OR6N1: variants seen among roughly 807,000 people sequenced by gnomAD.
The protein encoded by OR6N1 is olfactory receptor family 6 subfamily N member 1.
For synonymous variants in OR6N1, 170 were observed against 150.7 expected (o/e 1.13, Z -0.94); for missense variants, 394 against 371.7 (o/e 1.06, Z -0.49).
chr1:158,794,404 C>T, the OR6N1 span, among the ~76,000 whole-genome samples: 1 of 152,116 alleles, frequency 6.6e-6, no homozygotes, highest in African/African-American at 2.4e-5. Context: ...GTGTGATGCA[C>T]TCCCCCTTCC....
At chr1:158,819,605 T>A in the OR6N1 span, among the ~76,000 whole-genome samples, 1 of 152,180 alleles carries the variant, frequency 6.6e-6, no homozygotes, top group Non-Finnish European at 1.5e-5. Flanking sequence ...AAAAGAGGAA[T>A]GTATACCACG....
chr1:158,816,383 G>C, the OR6N1 span, among the ~76,000 whole-genome samples: 1 of 151,996 alleles, frequency 6.6e-6, no homozygotes, highest in Admixed American at 6.5e-5. Context: ...GAAAGAGATG[G>C]TCAAAGAGAG....
the OR6N1 span, among the ~76,000 whole-genome samples, chr1:158,789,016 C>T: frequency 6.6e-6 from 1 of 152,142 alleles, no homozygotes; most frequent in Non-Finnish European, 1.5e-5. Context: ...TCACCCTCTA[C>T]CTTTCCTGGT....
the OR6N1 span, among the ~76,000 whole-genome samples, chr1:158,814,582 G>T: frequency 1.3e-5 from 2 of 152,188 alleles, no homozygotes; most frequent in African/African-American, 4.8e-5. Flanking sequence ...CTGCTTCTCA[G>T]TTCAAAGATG....
chr1:158,797,853 G>A, the OR6N1 span, among the ~76,000 whole-genome samples: 5 of 152,098 alleles, frequency 3.3e-5, no homozygotes. Context: ...TGTAAAAATA[G>A]GAACTATGTT....
rs778798865 is a variant in OR6N1, at chr1:158,766,357, G to A, written c.326C>T (p.Ala109Val). Residue 109 changes from alanine (A) to valine (V), a missense_variant, in exon 2 of 2, where the codon GCG (alanine) becomes GTG (valine). Transcript: ENST00000641846. Reference sequence around the variant, plus strand: ...AGCTGTCAGGAGATAGCACTCAGTCGCTCCAAGGGAGTGAAAGAAATAGAT... The same window carrying A: ...AGCTGTCAGGAGATAGCACTCAGTCACTCCAAGGGAGTGAAAGAAATAGAT... ...LQIYFFHSLG[A>V]TECYLLTAMA... 5.0e-6 allele frequency: 8 copies of A among 1,614,014 alleles called. No individual in the cohort carries two copies. The highest frequency in any genetic ancestry group is 2.2e-5 in the South Asian group (2 of 91,082).
At chr1:158,780,702 A>G in the OR6N1 span, among the ~76,000 whole-genome samples, 9 of 152,324 alleles carry the variant, frequency 5.9e-5, no homozygotes, top group African/African-American at 2.2e-4. Context: ...TTGCTTTCAT[A>G]CTGTTGTAAA....
chr1:158,765,733 T>C lies in OR6N1; in HGVS notation c.*11A>G. On this transcript the variant is annotated 3_prime_UTR_variant, in exon 2 of 2. Coordinates refer to ENST00000641846, the MANE Select transcript of OR6N1 (RefSeq NM_001005185.2). Reference sequence around the variant, plus strand: ...CCTCAGGCCCGGCCTTGGCCTACTCTCAGCCCCAACTCATGCCAATATCCC... The same window carrying C: ...CCTCAGGCCCGGCCTTGGCCTACTCCCAGCCCCAACTCATGCCAATATCCC... 1 of 1,603,804 alleles carries C rather than the reference T, an allele frequency of 6.2e-7. No individual in the cohort carries two copies. Among genetic ancestry groups the C allele is most frequent in the Non-Finnish European group, 8.5e-7 (1 of 1,172,000 alleles).
the OR6N1 span, among the ~76,000 whole-genome samples, chr1:158,802,701 C>T: frequency 6.6e-6 from 1 of 152,182 alleles, no homozygotes; most frequent in Admixed American, 6.5e-5. Flanking sequence ...TTTGCCATGT[C>T]AGCTATCTTT....
the OR6N1 span, among the ~76,000 whole-genome samples, chr1:158,827,282 C>T: frequency 6.6e-6 from 1 of 152,172 alleles, no homozygotes; most frequent in Non-Finnish European, 1.5e-5. Context: ...AGCTCATGTC[C>T]TTTGCCTAGC....
upstream of OR6N1, among the ~76,000 whole-genome samples, chr1:158,772,947 A>G (rs1409324477): frequency 6.6e-6 from 1 of 152,226 alleles, no homozygotes; most frequent in Non-Finnish European, 1.5e-5. Flanking sequence ...AAAACATCAC[A>G]TATATAATTA....
the OR6N1 span, among the ~76,000 whole-genome samples, chr1:158,790,361 T>C: frequency 2.6e-5 from 4 of 152,092 alleles, no homozygotes; most frequent in Admixed American, 6.6e-5. Flanking sequence ...TGTTTTTTTC[T>C]GTTTCTGTGA....
chr1:158,820,653 A>G, the OR6N1 span, among the ~76,000 whole-genome samples: 1 of 152,230 alleles, frequency 6.6e-6, no homozygotes, highest in African/African-American at 2.4e-5. Flanking sequence ...ACAAAGGGCT[A>G]AAATCCCAAA....
chr1:158,770,432 C>A (rs1657395787), intron 1 of OR6N1, among the ~76,000 whole-genome samples: 1 of 152,112 alleles, frequency 6.6e-6, no homozygotes, highest in Non-Finnish European at 1.5e-5. Context: ...TTTTCACACC[C>A]CCTTTAAGAT....
the OR6N1 span, among the ~76,000 whole-genome samples, chr1:158,806,122 T>C: frequency 6.6e-6 from 1 of 152,262 alleles, no homozygotes; most frequent in East Asian, 1.9e-4. Flanking sequence ...TAATAGTTCC[T>C]GCAAAAAGAG....
At chr1:158,773,461 T>C (rs979145512), upstream of OR6N1, among the ~76,000 whole-genome samples, 1 of 152,162 alleles carries the variant, frequency 6.6e-6, no homozygotes, top group Non-Finnish European at 1.5e-5. Flanking sequence ...GAATATCCTC[T>C]ATTCCTAAAA....
the OR6N1 span, among the ~76,000 whole-genome samples, chr1:158,805,095 G>A: frequency 6.6e-6 from 1 of 152,230 alleles, no homozygotes; most frequent in South Asian, 2.1e-4. Flanking sequence ...GATACATCAA[G>A]GTCACATGCC....
the OR6N1 span, among the ~76,000 whole-genome samples, chr1:158,798,503 A>C: frequency 2.0e-5 from 3 of 151,816 alleles, no homozygotes; most frequent in Non-Finnish European, 2.9e-5. Flanking sequence ...TTTTCTTTAA[A>C]TATCAAACAT....
upstream of OR6N1, chr1:158,775,717 A>T (rs1389167046): frequency 6.6e-6 from 1 of 152,100 alleles, no homozygotes; most frequent in Non-Finnish European, 1.5e-5. Context: ...TATAAGAAAT[A>T]AATTGATTTA....
Sources: allele counts gnomAD v4.1 joint callset (sites outside exome capture counted in the v4.1 genomes callset), GRCh38; gene constraint gnomAD v4.1.1; transcripts MANE v1.5; gene names NCBI Gene and HGNC (gene_info 2026-07-23, HGNC 2026-07-21).